The following SZT2 variants were observed in gnomAD, a reference collection of about 807,000 sequenced individuals.
SZT2 encodes KICSTOR complex protein SZT2.
In SZT2, 216 loss-of-function variants were observed where a neutral mutation model predicts 404.2. The ratio of observed to expected loss-of-function variants is 0.53; its 90% CI spans 0.48 to 0.60. The LOEUF (loss-of-function observed/expected upper bound fraction) is 0.60. SZT2 is among the 20% of genes least tolerant of loss of function. The probability of loss-of-function intolerance (pLI) is 0.00; values close to 1 mark genes in which losing one functional copy is unlikely to be tolerated. For synonymous variants in SZT2, 1,693 were observed against 1,749.9 expected, an observed-to-expected ratio of 0.97 and a Z score of 0.81; for missense variants, 3,857 against 4,459.2, an observed-to-expected ratio of 0.86 and a Z score of 3.85.
chr1:43,446,550 C>T, intron 65 of SZT2, 134 bp downstream of exon 65: 1 of 1,057,146 alleles, frequency 9.5e-7, no homozygotes, highest in South Asian at 1.4e-5. Flanking sequence ...CTGCTATGGC[C>T]TGGCTAGGTC....
intron 1 of SZT2, among the ~76,000 whole-genome samples, chr1:43,397,827 C>T (rs1392277817): frequency 6.6e-6 from 1 of 152,162 alleles, no homozygotes; most frequent in African/African-American, 2.4e-5. Flanking sequence ...CTACGCCCGG[C>T]CCCTACAAAT....
intron 1 of SZT2, among the ~76,000 whole-genome samples, chr1:43,397,502 A>G (rs1649143889): frequency 6.6e-6 from 1 of 151,280 alleles, no homozygotes; most frequent in Non-Finnish European, 1.5e-5. Context: ...TACAGGAAAC[A>G]AACATTAAAG....
At chr1:43,409,090 TAGAG>T (rs1298580102) in intron 4 of SZT2, among the ~76,000 whole-genome samples, 9 of 152,118 alleles carry the variant, frequency 5.9e-5, no homozygotes, top group African/African-American at 1.9e-4. Context: ...ATGAAGATAT[TAGAG>T]AGACAAAAGG....
chr1:43,440,332 C>T, intron 51 of SZT2, 121 bp from the exon 52 acceptor site: 2 of 1,405,612 alleles, frequency 1.4e-6, no homozygotes, highest in Non-Finnish European at 1.9e-6. Context: ...GTTGTATATA[C>T]TGTCATTCAC....
Position 43,421,983 on chromosome 1 carries a change from ACT to A in SZT2, c.1627-95_1627-94del, listed in dbSNP as rs1359118227. On this transcript the variant is annotated intron_variant, in intron 11 of 71. Coordinates refer to ENST00000634258, the MANE Select transcript of SZT2 (RefSeq NM_001365999.1). ...TAGCCTCAAACCACTGCTGTCTCTGACTCTCTGAACGGAGTCCACCCATGGTT... is the reference window on the plus strand; with the variant it reads ...TAGCCTCAAACCACTGCTGTCTCTGACTCTGAACGGAGTCCACCCATGGTT... 29 of 1,319,994 alleles carry A rather than the reference ACT, an allele frequency of 2.2e-5. 1 individual carries two copies. Among genetic ancestry groups the A allele is most frequent in the Non-Finnish European group, 2.5e-5 (24 of 973,880 alleles). 81.8% of individuals were successfully genotyped at this position (1,319,994 alleles called of 1,614,324 possible). A position where few individuals can be genotyped will look rare whatever the true frequency, so the allele number is the denominator to read the frequency against.
intron 1 of SZT2, among the ~76,000 whole-genome samples, 162 bp downstream of exon 1, chr1:43,390,157 A>C (rs1035994419): frequency 1.3e-5 from 2 of 152,182 alleles, no homozygotes; most frequent in African/African-American, 4.8e-5. Context: ...ACCCCTGCGG[A>C]CTGTGTATGG....
chr1:43,437,152 C>T lies in SZT2; in HGVS notation c.6035-19C>T. On this transcript the variant is annotated intron_variant, in intron 42 of 71. Coordinates refer to ENST00000634258, the MANE Select transcript of SZT2 (RefSeq NM_001365999.1). The surrounding 1 kb of genome is among the most constrained non-coding windows in gnomAD (Gnocchi z 5.3). ...AGGGTGGTGTGTCCCATTTCTAATCCCTGCTCCCCCTCACCCAGATTATGC... is the reference window on the plus strand; with the variant it reads ...AGGGTGGTGTGTCCCATTTCTAATCTCTGCTCCCCCTCACCCAGATTATGC... 6.2e-7 allele frequency: 1 copy of T among 1,613,314 alleles called. No homozygotes were observed. The highest frequency in any genetic ancestry group is 8.5e-7 in the Non-Finnish European group (1 of 1,179,522).
intron 4 of SZT2, among the ~76,000 whole-genome samples, chr1:43,407,146 A>C (rs938480110): frequency 6.6e-6 from 1 of 152,186 alleles, no homozygotes; most frequent in Non-Finnish European, 1.5e-5. Context: ...GGATTTCATC[A>C]GTTAAGCCCC....
In SZT2 at chr1:43,448,280, G is replaced by C. The variant is rs1487198574; in HGVS notation, c.9765G>C (p.Val3255=). 1 of 1,566,190 alleles carries C rather than the reference G, an allele frequency of 6.4e-7. No individual in the cohort carries two copies. The highest frequency in any genetic ancestry group is 1.4e-5 in the African/African-American group (1 of 73,566). ...TGTTCCCACCACTGGCTGCAGAGGT[G>C]GGCATGGCACGAGCACGGCTGGCTC... is the stretch of plus-strand genomic sequence containing the variant. ...APLFPPLAAE[V]GMARARLAQL... is the part of the protein sequence containing the mutation. Residue 3255 remains valine, a synonymous_variant, in exon 69 of 72, where the codon GTG becomes GTC. Transcript: ENST00000634258. This position sits in a 1 kb window ranked among gnomAD's most constrained non-coding sequence, Gnocchi z 4.2.
In SZT2 at chr1:43,430,019, C is replaced by T. The variant is rs1653666071; in HGVS notation, c.4317C>T (p.Phe1439=). ...TCTAAACCCCACAACAGGAGAAGTT[C>T]CTAGAGATCAGTCGTCTCCACTTCC... ...GALHSVIQEK[F]LEISRLHFRT... Residue 1439 remains phenylalanine, a synonymous_variant, in exon 30 of 72, where the codon TTC becomes TTT. Transcript: ENST00000634258. 2 of 1,614,090 alleles carry T rather than the reference C, an allele frequency of 1.2e-6. No individual in the cohort carries two copies. Among genetic ancestry groups the T allele is most frequent in the East Asian group, 4.5e-5 (2 of 44,870 alleles).
chr1:43,429,917 G>GC lies in SZT2; in HGVS notation c.4308+74dup, dbSNP rs556196700. On this transcript the variant is annotated intron_variant, in intron 29 of 71. Transcript: ENST00000634258. The stretch of plus-strand genomic sequence containing the variant: ...GCAGAGGGACAGGATTCTCTCCTGG[G>GC]CGGGGGGTATGCATGTGTCCTGCTC... 3.4e-4 allele frequency: 547 copies of GC among 1,612,392 alleles called. No individual in the cohort carries two copies. In the African/African-American group the frequency reaches 6.6e-3, roughly 19 times the overall value.
chr1:43,395,447 T>A (rs1261291081), intron 1 of SZT2, among the ~76,000 whole-genome samples: 1 of 152,110 alleles, frequency 6.6e-6, no homozygotes. Context: ...TACAGCCACA[T>A]GACACTACAC....
chr1:43,437,200 C>G lies in SZT2; in HGVS notation c.6064C>G (p.Arg2022Gly), dbSNP rs766797004. The change falls in exon 43 of 72, where the codon CGT becomes GGT. Residue 2022 changes from arginine (R) to glycine (G), a missense_variant. By Grantham distance (125) the Arg-to-Gly change is moderately radical. This residue lies in a region of SZT2 where 1,725 missense variants were observed against 1,881.0 expected (regional missense o/e 0.92). Transcript: ENST00000634258. The surrounding 1 kb of genome is among the most constrained non-coding windows in gnomAD (Gnocchi z 5.3). ...TGCTGCTGATGAGAGCTGTGCGCCCCGTGGGTACCTGGCAGCCACAATGCA... is the reference window on the plus strand; with the variant it reads ...TGCTGCTGATGAGAGCTGTGCGCCCGGTGGGTACCTGGCAGCCACAATGCA... The part of the protein sequence containing the change: ...DYAADESCAP[R>G]GYLAATMQFV... 6.2e-7 allele frequency: 1 copy of G among 1,614,040 alleles called. No individual in the cohort carries two copies. The highest frequency in any genetic ancestry group is 8.5e-7 in the Non-Finnish European group (1 of 1,180,040).
rs1381087437 is a variant in SZT2 at position 43,435,274 on chromosome 1, G to A, written c.5979G>A (p.Leu1993=). 9 of 1,614,120 alleles carry A rather than the reference G, an allele frequency of 5.6e-6. No individual in the cohort carries two copies. Among genetic ancestry groups the A allele is most frequent in the Non-Finnish European group, 7.6e-6 (9 of 1,180,044 alleles). Reference sequence around the variant, plus strand: ...TGGTGGCCGAGAGTGAAGAAGATCTGTGGCGCAGTGAGACTCCCTTCCACT... The same window carrying A: ...TGGTGGCCGAGAGTGAAGAAGATCTATGGCGCAGTGAGACTCCCTTCCACT... The part of the protein sequence containing the change: ...SLLVAESEED[L]WRSETPFHSR... Residue 1993 remains leucine (L), a synonymous_variant, in exon 42 of 72, where the codon CTG becomes CTA. Transcript: ENST00000634258.
At chr1:43,409,729 A>G (rs1650777283) in intron 4 of SZT2, 1 of 177,030 alleles carries the variant, frequency 5.6e-6, no homozygotes, top group Non-Finnish European at 1.2e-5. Context: ...CTACAATGAA[A>G]ACTATAAAAC....
chr1:43,428,444 GTGC>G lies in SZT2; in HGVS notation c.4127_4129del (p.Ala1376del), dbSNP rs1653451695. Reference sequence around the variant, plus strand: ...CCCTTCAGCAGCAGCATGGAGGAGGGTGCTGAACCTCGGGAACGAGCTATCCTA... The same window carrying G: ...CCCTTCAGCAGCAGCATGGAGGAGGGTGAACCTCGGGAACGAGCTATCCTA... On this transcript the variant is annotated inframe_deletion, in exon 28 of 72. Transcript: ENST00000634258. 2.5e-6 allele frequency: 4 copies of G among 1,614,152 alleles called. No individual in the cohort carries two copies. In the East Asian group the frequency reaches 8.9e-5, roughly 36 times the overall value.
At position 43,441,661 on chromosome 1, in the gene SZT2, CCA is replaced by C. The variant is rs368183963; in HGVS notation, c.7610-22_7610-21del. On this transcript the variant is annotated intron_variant, in intron 54 of 71. Coordinates refer to ENST00000634258, the MANE Select transcript of SZT2 (RefSeq NM_001365999.1). This position sits in a 1 kb window ranked among gnomAD's most constrained non-coding sequence, Gnocchi z 4.8. ...CCAGCCTGGTCTCCATCCTGCAGCT[CCA>C]CAGTGACTCCTCTGCCTCCTAGGTT... The C allele has an allele frequency of 2.1e-5, 34 of 1,613,964 alleles. No homozygotes were observed. The highest frequency in any genetic ancestry group is 2.0e-4 in the African/African-American group (15 of 74,924).
At chr1:43,394,066 C>T in intron 1 of SZT2, 1 of 984,994 alleles carries the variant, frequency 1.0e-6, no homozygotes, top group Non-Finnish European at 1.2e-6. Context: ...GAACTTCAGA[C>T]TCAAGGAGGA....
At chr1:43,409,969 A>G (rs1275688393) in intron 4 of SZT2, 1 of 152,278 alleles carries the variant, frequency 6.6e-6, no homozygotes, top group East Asian at 1.9e-4. Flanking sequence ...TCTGAGCAAA[A>G]CAAACAAAAC....
Sources: gnomAD v4.1 joint callset for allele counts (sites outside exome capture counted in the v4.1 genomes callset) on GRCh38, gnomAD v4.1.1 for gene constraint, gnomAD v4.1.1 regional missense constraint, Gnocchi (gnomAD v3.1) non-coding constraint, MANE v1.5 for transcripts, NCBI Gene and HGNC (gene_info 2026-07-23, HGNC 2026-07-21) for gene names.